Variants in CYP2E1 observed in about 807,000 individuals in gnomAD.
CYP2E1 encodes the protein cytochrome P450 2E1.
A neutral mutation model predicts 42.9 loss-of-function variants in CYP2E1; 31 were observed. That is an observed-to-expected ratio of 0.72 (90% CI 0.54 to 0.98). CYP2E1 has a LOEUF of 0.98. CYP2E1 is among the 50% of genes least tolerant of loss of function. The pLI, the probability that CYP2E1 is intolerant of heterozygous loss-of-function variation, is 0.00. For synonymous variants in CYP2E1, 244 were observed against 248.9 expected (o/e 0.98, Z 0.19); for missense variants, 565 against 633.2 (o/e 0.89, Z 1.16).
intron 2 of CYP2E1, among the ~76,000 whole-genome samples, chr10:133,530,501 C>T (rs1471638687): frequency 2.0e-5 from 3 of 152,158 alleles, no homozygotes; most frequent in Non-Finnish European, 4.4e-5. Context: ...CTCATGTGCC[C>T]TCCCGCCCCT....
chr10:133,536,509 G>GTCAA (rs1851399267), intron 6 of CYP2E1, among the ~76,000 whole-genome samples: 2 of 132,626 alleles, frequency 1.5e-5, no homozygotes, highest in Non-Finnish European at 3.3e-5. Context: ...GGAAGGGTGG[G>GTCAA]TGGATGGGTG....
Position 133,534,920 on chromosome 10 carries a change from G to A in CYP2E1, c.967+1023G>A, listed in dbSNP as rs549216932. Among the ~76,000 whole-genome samples the A allele has an allele frequency of 1.3e-4, 19 of 151,456 alleles. No homozygotes were observed. The East Asian group carries it at 2.1e-3, about 17-fold the overall frequency. ...CACTCTGTTGCCCAGGCTGGAGTGCGGTGATGCAATCATGGCTCATTGTAG... is the reference window on the plus strand; with the variant it reads ...CACTCTGTTGCCCAGGCTGGAGTGCAGTGATGCAATCATGGCTCATTGTAG... On this transcript the variant is annotated intron_variant, in intron 6 of 8. Transcript: ENST00000252945.
intron 6 of CYP2E1, among the ~76,000 whole-genome samples, chr10:133,535,065 A>T (rs528307883): frequency 1.5e-4 from 23 of 152,126 alleles, no homozygotes; most frequent in African/African-American, 5.5e-4. Context: ...GGCTGGGCAC[A>T]GTGGCTCATA....
rs55982231 is a variant in CYP2E1 at position 133,538,933 on chromosome 10, G to C, written c.1451G>C (p.Arg484Pro). 2 of 1,613,428 alleles carry C rather than the reference G, an allele frequency of 1.2e-6. No individual in the cohort carries two copies. The highest frequency in any genetic ancestry group is 2.7e-5 in the African/African-American group (2 of 74,864). ...ATTGGGTTTGGCTGTATCCCACCAC[G>C]TTACAAACTCTGTGTCATTCCCCGC... ...IHIGFGCIPP[R>P]YKLCVIPRS Residue 484 changes from arginine to proline, a missense_variant, in exon 9 of 9, where the codon CGT (arginine) becomes CCT (proline). Arg to Pro is a moderately radical substitution (Grantham distance 103, BLOSUM62 -2). Coordinates refer to ENST00000252945, the MANE Select transcript of CYP2E1 (RefSeq NM_000773.4).
At chr10:133,530,135 G>T (rs1851319443) in intron 2 of CYP2E1, among the ~76,000 whole-genome samples, 1 of 152,172 alleles carries the variant, frequency 6.6e-6, no homozygotes, top group Non-Finnish European at 1.5e-5. Context: ...TGACCCGCAG[G>T]GCGCAGACTG....
chr10:133,532,370 C>A, intron 4 of CYP2E1, 86 bp downstream of exon 4: 1 of 1,309,056 alleles, frequency 7.6e-7, no homozygotes, highest in Non-Finnish European at 1.1e-6. Flanking sequence ...ATGTGATAGA[C>A]AGGACTGCAA....
At chr10:133,532,021 G>T in intron 3 of CYP2E1, 103 bp from the exon 4 acceptor site, 1 of 1,117,286 alleles carries the variant, frequency 9.0e-7, no homozygotes, top group South Asian at 1.5e-5. Flanking sequence ...GCAGTTTTCA[G>T]GGCACCTTCT....
In CYP2E1 at chr10:133,537,130, A is replaced by G; in HGVS notation, c.1035A>G (p.Gln345=). Residue 345 remains glutamine (Q), a synonymous_variant, in exon 7 of 9, where the codon CAA becomes CAG. Transcript: ENST00000252945. ...PSRIPAIKDR[Q]EMPYMDAVVH... ...GAATCCCTGCCATCAAGGATAGGCAAGAGATGCCCTACATGGATGCTGTGG... is the reference window on the plus strand; with the variant it reads ...GAATCCCTGCCATCAAGGATAGGCAGGAGATGCCCTACATGGATGCTGTGG... 6.2e-7 allele frequency: 1 copy of G among 1,614,006 alleles called. No homozygotes were observed. Among genetic ancestry groups the G allele is most frequent in the African/African-American group, 1.3e-5 (1 of 75,018 alleles).
intron 2 of CYP2E1, 121 bp from the exon 3 acceptor site, chr10:133,531,464 G>T: frequency 8.5e-7 from 1 of 1,171,796 alleles, no homozygotes; most frequent in Non-Finnish European, 1.3e-6. Context: ...CTGTCCCTCT[G>T]CCCCCTCTGT....
At chr10:133,529,145 G>C (rs144507587) in intron 2 of CYP2E1, among the ~76,000 whole-genome samples, 1 of 152,336 alleles carries the variant, frequency 6.6e-6, no homozygotes, top group East Asian at 1.9e-4. Context: ...AGACCGGGAA[G>C]GGGGAAGAGA....
In CYP2E1 at chr10:133,531,719, C is replaced by T; in HGVS notation, c.472C>T (p.Leu158Phe). The T allele has an allele frequency of 6.2e-7, 1 of 1,600,558 alleles. No individual in the cohort carries two copies. The highest frequency in any genetic ancestry group is 2.2e-5 in the East Asian group (1 of 44,868). ...QREAHFLLEA[L>F]RKTQGQPFDP... ...GGAGGCCCACTTCCTGCTGGAAGCA[C>T]TCAGGAAGACCCAAGGTGCGTATCT... Residue 158 changes from leucine (L) to phenylalanine (F), a missense_variant, in exon 3 of 9, where the codon CTC becomes TTC. Physicochemically the swap from Leu to Phe is conservative, Grantham distance 22. Transcript: ENST00000252945.
At position 133,528,428 on chromosome 10, in the gene CYP2E1, C is replaced by A. The variant is rs536677362; in HGVS notation, c.178-53C>A. 27 of 1,602,186 alleles carry A rather than the reference C, an allele frequency of 1.7e-5. No homozygotes were observed. In the African/African-American group the frequency reaches 3.6e-4, roughly 21 times the overall value. On this transcript the variant is annotated intron_variant, in intron 1 of 8. Transcript: ENST00000252945. Reference sequence around the variant, plus strand: ...CCCGGCAGGGGTGTGGCTTAGAGCCCCGCACCTCCTCGCCGCGCGGCGGGC... The same window carrying A: ...CCCGGCAGGGGTGTGGCTTAGAGCCACGCACCTCCTCGCCGCGCGGCGGGC...
At chr10:133,534,051 G>A (rs1313524158) in intron 6 of CYP2E1, among the ~76,000 whole-genome samples, 154 bp downstream of exon 6, 3 of 152,164 alleles carry the variant, frequency 2.0e-5, no homozygotes, top group Non-Finnish European at 2.9e-5. Context: ...GTGAGGGGAG[G>A]TGTTATGGTC....
At position 133,533,903 on chromosome 10, in the gene CYP2E1, C is replaced by G. The variant is rs775037442; in HGVS notation, c.967+6C>G. 1 of 1,613,986 alleles carries G rather than the reference C, an allele frequency of 6.2e-7. No individual in the cohort carries two copies. The highest frequency in any genetic ancestry group is 1.1e-5 in the South Asian group (1 of 91,072). ...GAAATACCCTGAGATCGAAGGTAGG[C>G]AAGTGACTGAAGGGACACCGTGCGT... On this transcript the variant is annotated splice_donor_region_variant and intron_variant, in intron 6 of 8. Transcript: ENST00000252945.
At position 133,527,458 on chromosome 10, in the gene CYP2E1, C is replaced by G; in HGVS notation, c.63C>G (p.Ser21=). 6.2e-7 allele frequency: 1 copy of G among 1,613,692 alleles called. No individual in the cohort carries two copies. Among genetic ancestry groups the G allele is most frequent in the Non-Finnish European group, 8.5e-7 (1 of 1,179,960 alleles). Residue 21 remains serine (S), a synonymous_variant, in exon 1 of 9, where the codon TCC becomes TCG. Coordinates refer to ENST00000252945, the MANE Select transcript of CYP2E1 (RefSeq NM_000773.4). ...GGGCGGCCTTCCTCCTGCTGGTGTCCATGTGGAGGCAGGTGCACAGCAGCT... is the reference window on the plus strand; with the variant it reads ...GGGCGGCCTTCCTCCTGCTGGTGTCGATGTGGAGGCAGGTGCACAGCAGCT... The part of the protein sequence containing the change: ...LVWAAFLLLV[S]MWRQVHSSWN...
intron 6 of CYP2E1, 114 bp downstream of exon 6, chr10:133,534,011 T>C: frequency 8.6e-7 from 1 of 1,167,202 alleles, no homozygotes; most frequent in Non-Finnish European, 1.2e-6. Context: ...ACCCTCATGG[T>C]GATGTGGTGA....
At position 133,534,596 on chromosome 10, in the gene CYP2E1, C is replaced by T. The variant is rs1301525396; in HGVS notation, c.967+699C>T. Among the ~76,000 whole-genome samples the T allele has an allele frequency of 3.3e-5, 5 of 152,166 alleles. No individual in the cohort carries two copies. In the East Asian group the frequency reaches 7.7e-4, roughly 24 times the overall value. The stretch of plus-strand genomic sequence containing the variant: ...GGAGCTGCAGCCTGGCTGGAGAGTG[C>T]CGGGGGGCCCAGAGCCCCTGCCTCT... On this transcript the variant is annotated intron_variant, in intron 6 of 8. Transcript: ENST00000252945.
intron 2 of CYP2E1, among the ~76,000 whole-genome samples, chr10:133,531,175 C>G (rs1851330703): frequency 6.6e-6 from 1 of 152,102 alleles, no homozygotes; most frequent in Admixed American, 6.5e-5. Context: ...TCTGTGAGAA[C>G]AGAATGAATG....
At chr10:133,528,967 C>T (rs1436153059) in intron 2 of CYP2E1, among the ~76,000 whole-genome samples, 3 of 152,200 alleles carry the variant, frequency 2.0e-5, no homozygotes, top group Non-Finnish European at 4.4e-5. Context: ...GAGCGCTTTC[C>T]CCTCCTGTTC....
Sources: allele counts gnomAD v4.1 joint callset (sites outside exome capture counted in the v4.1 genomes callset), GRCh38; gene constraint gnomAD v4.1.1; transcripts MANE v1.5; gene names NCBI Gene and HGNC (gene_info 2026-07-23, HGNC 2026-07-21).